LRRC43: variants seen among roughly 807,000 people sequenced by gnomAD.
The protein encoded by LRRC43 is leucine rich repeat containing 43.
In LRRC43, 62 loss-of-function variants were observed where a neutral mutation model predicts 64.3. That is an observed-to-expected ratio of 0.96 (90% confidence interval 0.79 to 1.19). The LOEUF is 1.19. LRRC43 is among the 50% of genes most tolerant of loss of function. The pLI is 0.00. For missense variants in LRRC43, 868 were observed against 845.0 expected (o/e 1.03, Z -0.34); for synonymous variants, 422 against 382.3 (o/e 1.10, Z -1.21).
At chr12:122,189,730 C>T (rs535581683) in intron 4 of LRRC43, among the ~76,000 whole-genome samples, 1 of 152,234 alleles carries the variant, frequency 6.6e-6, no homozygotes, top group African/African-American at 2.4e-5. Context: ...CCTGTCCACT[C>T]CTGCCCTGTC....
chr12:122,187,680 G>T (rs1211051807), intron 3 of LRRC43, 21 bp from the exon 4 acceptor site: 1 of 1,611,446 alleles, frequency 6.2e-7, no homozygotes, highest in African/African-American at 1.3e-5. Flanking sequence ...ATCGTCCCGG[G>T]CCTTCCGTGT....
chr12:122,175,366 A>G (rs1953528605), intron 1 of LRRC43, among the ~76,000 whole-genome samples: 1 of 151,210 alleles, frequency 6.6e-6, no homozygotes, highest in South Asian at 2.1e-4. Context: ...GACGGGGTTC[A>G]CTATGTTGGC....
intron 2 of LRRC43, 127 bp from the exon 3 acceptor site, chr12:122,186,063 G>A: frequency 1.6e-6 from 1 of 644,584 alleles, no homozygotes. Flanking sequence ...CTTCCGGGGA[G>A]CAGGGGGTGG....
intron 1 of LRRC43, among the ~76,000 whole-genome samples, chr12:122,175,486 C>T (rs548572510): frequency 6.6e-6 from 1 of 150,720 alleles, no homozygotes; most frequent in African/African-American, 2.4e-5. Flanking sequence ...TTTCTAAGTT[C>T]ATTAGCTTTC....
rs1191589850 is a variant in LRRC43, at chr12:122,184,183, C to T, written c.151-336C>T. On this transcript the variant is annotated intron_variant, in intron 1 of 11. Coordinates refer to ENST00000339777, the MANE Select transcript of LRRC43 (RefSeq NM_001098519.2). The surrounding 1 kb of genome is among the most constrained non-coding windows in gnomAD (Gnocchi z 4.0). ...GATCTCGGCTCACTGCAACCTCCGC[C>T]TCCCGGGTTCAAACGATTCTCCTGC... Among the ~76,000 whole-genome samples, 1 of 151,628 alleles carries T rather than the reference C, an allele frequency of 6.6e-6. No homozygotes were observed. The highest frequency in any genetic ancestry group is 1.5e-5 in the Non-Finnish European group (1 of 67,974).
chr12:122,201,274 G>A lies in LRRC43; in HGVS notation c.1810-22G>A, dbSNP rs200717434. ...ACCTCCCCTCTCCAGTAAGCATCTC[G>A]TTTTGTGGTTCTTTCTCTCAGGATT... On this transcript the variant is annotated intron_variant, in intron 10 of 11. Transcript: ENST00000339777. The A allele has an allele frequency of 1.4e-4, 225 of 1,613,860 alleles. No homozygotes were observed. The Middle Eastern group carries it at 5.8e-3, about 42-fold the overall frequency.
intron 11 of LRRC43, among the ~76,000 whole-genome samples, chr12:122,201,743 T>C (rs1027398640): frequency 6.6e-6 from 1 of 152,010 alleles, no homozygotes; most frequent in Non-Finnish European, 1.5e-5. Flanking sequence ...AACAACCAAC[T>C]GGGAGGGAGA....
chr12:122,182,790 A>G (rs1232683192), upstream of LRRC43, among the ~76,000 whole-genome samples: 1 of 152,188 alleles, frequency 6.6e-6, no homozygotes, highest in Non-Finnish European at 1.5e-5. Context: ...CCAGGGTTAG[A>G]GAGACCACCC....
At chr12:122,193,025 C>T (rs767426885) in intron 7 of LRRC43, 21 bp downstream of exon 7, 1 of 1,611,502 alleles carries the variant, frequency 6.2e-7, no homozygotes, top group Non-Finnish European at 8.5e-7. Context: ...AAATCTGAAC[C>T]AGGGCAAGTG....
At chr12:122,192,287 C>A (rs1183851055) in intron 6 of LRRC43, among the ~76,000 whole-genome samples, 1 of 152,198 alleles carries the variant, frequency 6.6e-6, no homozygotes, top group Non-Finnish European at 1.5e-5. Context: ...CAGGCTCGCG[C>A]CACCATACCT....
rs199748854 is a variant in LRRC43 at position 122,192,890 on chromosome 12, C to T, written c.1235C>T (p.Ser412Leu). Reference sequence around the variant, plus strand: ...TCTGAGGTGGAGGAGTCAGGAGAGTCGGAGCTGTCTGTCATCTCGGGGCCT... The same window carrying T: ...TCTGAGGTGGAGGAGTCAGGAGAGTTGGAGCTGTCTGTCATCTCGGGGCCT... ...LESEVEESGESELSVISGPST... is the reference protein window; with the variant it reads ...LESEVEESGELELSVISGPST... The change falls in exon 7 of 12, where the codon TCG (serine) becomes TTG (leucine). Residue 412 changes from serine to leucine, a missense_variant. Physicochemically the swap from Ser to Leu is moderately radical, Grantham distance 145. Coordinates refer to ENST00000339777, the MANE Select transcript of LRRC43 (RefSeq NM_001098519.2). 3.7e-6 allele frequency: 6 copies of T among 1,613,950 alleles called. No homozygotes were observed. In the Admixed American group the frequency reaches 5.0e-5, roughly 13 times the overall value.
chr12:122,202,819 C>T (rs1366213788), intron 11 of LRRC43, among the ~76,000 whole-genome samples: 4 of 152,118 alleles, frequency 2.6e-5, no homozygotes, highest in African/African-American at 7.2e-5. Flanking sequence ...CAGCTGGGCT[C>T]GGTAGTGTAC....
In LRRC43 at chr12:122,190,253, G is replaced by T. The variant is rs370975101; in HGVS notation, c.786G>T (p.Leu262Phe). 6.2e-6 allele frequency: 10 copies of T among 1,614,090 alleles called. No homozygotes were observed. Among genetic ancestry groups the T allele is most frequent in the Non-Finnish European group, 8.5e-6 (10 of 1,180,054 alleles). The change falls in exon 5 of 12, where the codon TTG becomes TTT. Residue 262 changes from leucine (L) to phenylalanine (F), a missense_variant. Coordinates refer to ENST00000339777, the MANE Select transcript of LRRC43 (RefSeq NM_001098519.2). ...TGCTGCAGGGAAACCCACTGGCCTTGGTGCCCTACTACCGCGGCCTCACCA... is the reference window on the plus strand; with the variant it reads ...TGCTGCAGGGAAACCCACTGGCCTTTGTGCCCTACTACCGCGGCCTCACCA... The part of the protein sequence containing the change: ...LLVLQGNPLA[L>F]VPYYRGLTID...
In LRRC43 at chr12:122,186,274, G is replaced by A. The variant is rs767713442; in HGVS notation, c.496G>A (p.Ala166Thr). 6.2e-7 allele frequency: 1 copy of A among 1,603,242 alleles called. No homozygotes were observed. Among genetic ancestry groups the A allele is most frequent in the South Asian group, 1.1e-5 (1 of 88,448 alleles). Residue 166 changes from alanine (A) to threonine (T), a missense_variant, in exon 3 of 12, where the codon GCC becomes ACC. Ala to Thr is a moderately conservative substitution (Grantham distance 58). Transcript: ENST00000339777. ...CGCCAATCGAATCAAGGAGGTGGAT[G>A]CCACCAATCTGCCCCCCACACTCAA... is the stretch of plus-strand genomic sequence containing the variant. ...LSANRIKEVDATNLPPTLKVL... is the reference protein window; with the variant it reads ...LSANRIKEVDTTNLPPTLKVL...
rs1294251546 is a variant in LRRC43, at chr12:122,184,515, G to A, written c.151-4G>A. 2.5e-6 allele frequency: 4 copies of A among 1,612,592 alleles called. No individual in the cohort carries two copies. In the Admixed American group the frequency reaches 6.7e-5, roughly 27 times the overall value. Reference sequence around the variant, plus strand: ...TACAGAAAATCCCTCCTCTGCCACTGCAGAATAAGTCGCGCTTTCTTCCTC... The same window carrying A: ...TACAGAAAATCCCTCCTCTGCCACTACAGAATAAGTCGCGCTTTCTTCCTC... On this transcript the variant is annotated splice_region_variant and splice_polypyrimidine_tract_variant and intron_variant, in intron 1 of 11. Coordinates refer to ENST00000339777, the MANE Select transcript of LRRC43 (RefSeq NM_001098519.2). This position sits in a 1 kb window ranked among gnomAD's most constrained non-coding sequence, Gnocchi z 4.0.
At chr12:122,191,941 T>C (rs1953723623) in intron 6 of LRRC43, among the ~76,000 whole-genome samples, 1 of 149,284 alleles carries the variant, frequency 6.7e-6, no homozygotes, top group Non-Finnish European at 1.5e-5. Flanking sequence ...GCCACCGCGC[T>C]GGCCAAGAAA....
chr12:122,198,711 C>A (rs1187498853), intron 7 of LRRC43, among the ~76,000 whole-genome samples: 1 of 147,714 alleles, frequency 6.8e-6, no homozygotes, highest in East Asian at 2.0e-4. Context: ...CTCACTGCAA[C>A]CTCCACCTCC....
In LRRC43 at chr12:122,192,426, G is replaced by A. The variant is rs192863657; in HGVS notation, c.1090-319G>A. 1.0e-3 allele frequency among the ~76,000 whole-genome samples: 157 copies of A among 152,250 alleles called. 1 individual carries two copies. Among genetic ancestry groups the A allele is most frequent in the Admixed American group, 6.5e-3 (100 of 15,288 alleles). ...ACTGGGATTACAGGCGTGAGCCACC[G>A]CGCCTAGCCCCATTCTGCAATTTCT... On this transcript the variant is annotated intron_variant, in intron 6 of 11. Transcript: ENST00000339777.
rs867155773 is a variant in LRRC43 at position 122,169,735 on chromosome 12, A to G, written c.-406+1953A>G. Among the ~76,000 whole-genome samples, 1,288 of 151,618 alleles carry G rather than the reference A, an allele frequency of 8.5e-3. 24 individuals carry two copies. Among genetic ancestry groups the G allele is most frequent in the African/African-American group, 0.03 (1,228 of 41,280 alleles). ...CGTCTCAAAAAAAAAAAAAAAAAAAAAAAAGAATTCTATAAGGAACATTTG... is the reference window on the plus strand; with the variant it reads ...CGTCTCAAAAAAAAAAAAAAAAAAAGAAAAGAATTCTATAAGGAACATTTG... On this transcript the variant is annotated intron_variant, in intron 1 of 5. Coordinates refer to the LRRC43 transcript ENST00000537729.
Sources: gnomAD v4.1 joint callset for allele counts (sites outside exome capture counted in the v4.1 genomes callset) on GRCh38, gnomAD v4.1.1 for gene constraint, Gnocchi (gnomAD v3.1) non-coding constraint, MANE v1.5 for transcripts, NCBI Gene and HGNC (gene_info 2026-07-23, HGNC 2026-07-21) for gene names.